AFF3: variants seen among roughly 807,000 people sequenced by gnomAD.
AFF3 encodes AF4/FMR2 family member 3.
In AFF3, 32 loss-of-function variants were observed where a neutral mutation model predicts 129.7. The observed-to-expected ratio is 0.25, with a 90% CI of 0.19 to 0.33. The LOEUF is 0.33. Among genes scored for constraint, AFF3 ranks in the 10% least tolerant of loss-of-function variants. AFF3 has a pLI of 1.00. For missense variants in AFF3, 1,373 were observed against 1,592.0 expected, an observed-to-expected ratio of 0.86 and a Z score of 2.34; for synonymous variants, 644 against 635.4, an observed-to-expected ratio of 1.01 and a Z score of -0.20.
intron 7 of AFF3, among the ~76,000 whole-genome samples, chr2:99,891,447 A>G (rs553178521): frequency 1.3e-5 from 2 of 152,310 alleles, no homozygotes; most frequent in Admixed American, 1.3e-4. Context: ...TGATCAGTAA[A>G]GAAGCGAACA....
chr2:99,996,571 G>A (rs1335650577), intron 7 of AFF3, among the ~76,000 whole-genome samples: 5 of 141,870 alleles, frequency 3.5e-5, no homozygotes, highest in East Asian at 2.0e-4. Context: ...TAGTAGAGAC[G>A]GGGTTTTGCC....
intron 7 of AFF3, among the ~76,000 whole-genome samples, chr2:99,867,084 G>C (rs1438503943): frequency 6.6e-6 from 1 of 151,680 alleles, no homozygotes; most frequent in Non-Finnish European, 1.5e-5. Flanking sequence ...TGCCTCACAA[G>C]AAAGGGGATT....
At chr2:99,875,085 T>A (rs1692183540) in intron 7 of AFF3, among the ~76,000 whole-genome samples, 1 of 152,188 alleles carries the variant, frequency 6.6e-6, no homozygotes, top group Non-Finnish European at 1.5e-5. Flanking sequence ...GACAAGACAT[T>A]CTTTTGAGTT....
chr2:99,680,187 G>A (rs914457252), intron 11 of AFF3, among the ~76,000 whole-genome samples: 1 of 152,072 alleles, frequency 6.6e-6, no homozygotes, highest in African/African-American at 2.4e-5. Flanking sequence ...CCTCCTAAAA[G>A]AATTACAGGG....
At chr2:99,565,936 G>C (rs1170550465) in intron 19 of AFF3, among the ~76,000 whole-genome samples, 2 of 152,160 alleles carry the variant, frequency 1.3e-5, no homozygotes, top group African/African-American at 4.8e-5. Flanking sequence ...ATGGTTTGGC[G>C]ACTTCATTCC....
intron 12 of AFF3, among the ~76,000 whole-genome samples, chr2:99,660,730 G>A (rs74874480): frequency 0.059 from 8,968 of 152,234 alleles, 376 homozygotes; most frequent in Admixed American, 0.074. Context: ...GTTTTCTAGC[G>A]TGCAGATGAC....
intron 8 of AFF3, 90 bp from the exon 9 acceptor site, chr2:99,752,391 A>C (rs1681729507): frequency 9.4e-7 from 1 of 1,062,176 alleles, no homozygotes. Flanking sequence ...GTGGGCCTTC[A>C]TAAGGCAGGG....
chr2:99,858,481 G>T (rs1203637570), intron 7 of AFF3, among the ~76,000 whole-genome samples: 1 of 151,904 alleles, frequency 6.6e-6, no homozygotes, highest in African/African-American at 2.4e-5. Flanking sequence ...AGCCCAGGAG[G>T]TCGAGGCTGC....
At chr2:99,850,884 G>A (rs1690096250) in intron 7 of AFF3, among the ~76,000 whole-genome samples, 1 of 152,166 alleles carries the variant, frequency 6.6e-6, no homozygotes, top group Non-Finnish European at 1.5e-5. Flanking sequence ...ATTGGGTAGA[G>A]ATTTGAGAGA....
intron 7 of AFF3, among the ~76,000 whole-genome samples, chr2:99,975,752 C>T (rs961882534): frequency 7.0e-6 from 1 of 143,036 alleles, no homozygotes; most frequent in Admixed American, 6.9e-5. Context: ...CTTTTCCCTC[C>T]ACTTTTTTTT....
intron 14 of AFF3, among the ~76,000 whole-genome samples, chr2:99,597,139 G>A (rs1409612531): frequency 1.3e-5 from 2 of 152,146 alleles, no homozygotes; most frequent in Non-Finnish European, 2.9e-5. Flanking sequence ...CACAGCTACC[G>A]GGCTCTACGG....
chr2:99,766,771 G>T (rs1017007200), intron 8 of AFF3, among the ~76,000 whole-genome samples: 3 of 152,172 alleles, frequency 2.0e-5, no homozygotes, highest in Admixed American at 6.5e-5. Context: ...ATTGGGAAAA[G>T]ATATTCTATG....
At chr2:100,005,737 G>C (rs761285912) in intron 7 of AFF3, among the ~76,000 whole-genome samples, 22 of 152,126 alleles carry the variant, frequency 1.4e-4, no homozygotes, top group Non-Finnish European at 3.1e-4. Flanking sequence ...ATCCCTATCA[G>C]TCCGTGGTGA....
chr2:99,918,662 A>G (rs1253043093), intron 7 of AFF3, among the ~76,000 whole-genome samples: 1 of 152,254 alleles, frequency 6.6e-6, no homozygotes, highest in African/African-American at 2.4e-5. Context: ...TGTTACAGTC[A>G]GTGCTAACCT....
At chr2:99,927,064 T>C (rs1270345950) in intron 7 of AFF3, among the ~76,000 whole-genome samples, 1 of 152,138 alleles carries the variant, frequency 6.6e-6, no homozygotes, top group African/African-American at 2.4e-5. Context: ...GAGCCTGGAC[T>C]CCTACCTCCT....
At chr2:99,678,438 G>A (rs186185118) in intron 11 of AFF3, among the ~76,000 whole-genome samples, 1 of 152,278 alleles carries the variant, frequency 6.6e-6, no homozygotes, top group East Asian at 1.9e-4. Context: ...TTGCAAACGG[G>A]CACGTTAACT....
intron 7 of AFF3, among the ~76,000 whole-genome samples, chr2:99,839,605 TTTTCTTTC>T (rs1193955824): frequency 5.2e-4 from 78 of 150,824 alleles, no homozygotes; most frequent in African/African-American, 1.9e-3. Flanking sequence ...ATTTTCTTTT[TTTTCTTTC>T]TTTCTTTTTT....
intron 8 of AFF3, among the ~76,000 whole-genome samples, chr2:99,830,489 T>G (rs1425874097): frequency 6.6e-6 from 1 of 152,120 alleles, no homozygotes; most frequent in Non-Finnish European, 1.5e-5. Flanking sequence ...CGGTGGCTCA[T>G]GCCTGTAATC....
chr2:100,126,305 A>G (rs1692188613), intron 2 of AFF3, among the ~76,000 whole-genome samples: 1 of 152,230 alleles, frequency 6.6e-6, no homozygotes, highest in Non-Finnish European at 1.5e-5. Flanking sequence ...TCGAGAAGCC[A>G]GAGGAGTGTT....
Sources: allele counts gnomAD v4.1 joint callset (sites outside exome capture counted in the v4.1 genomes callset), GRCh38; gene constraint gnomAD v4.1.1; transcripts MANE v1.5; gene names NCBI Gene and HGNC (gene_info 2026-07-23, HGNC 2026-07-21).